Variants in SLC25A21 observed in about 807,000 individuals in gnomAD.
SLC25A21 encodes solute carrier family 25 member 21, also known as mitochondrial 2-oxodicarboxylate carrier.
Under a neutral mutation model 43.8 loss-of-function variants are expected in SLC25A21, and 47 were observed. That is an observed-to-expected ratio of 1.07 (90% CI 0.85 to 1.37). The LOEUF is 1.37. Ranked by LOEUF, SLC25A21 falls within the 40% of genes most tolerant of loss-of-function variation. The pLI is 0.00. For synonymous variants in SLC25A21, 131 were observed against 121.3 expected (o/e 1.08, Z -0.52); for missense variants, 352 against 350.2 (o/e 1.00, Z -0.04).
chr14:37,110,216 T>G lies in SLC25A21; in HGVS notation c.70+62065A>C, dbSNP rs148245369. 2.8e-4 allele frequency among the ~76,000 whole-genome samples: 42 copies of G among 152,312 alleles called. 1 individual carries two copies. In the East Asian group the frequency reaches 8.1e-3, roughly 29 times the overall value. On this transcript the variant is annotated intron_variant, in intron 1 of 9. Transcript: ENST00000331299. ...ATTTCCTCTGAACTTCTACTACTTA[T>G]GTTTTATGTTAAGAGGTTGCATTGG...
Position 36,910,564 on chromosome 14 carries a change from A to G in SLC25A21, c.71-35560T>C, listed in dbSNP as rs73254211. 6.9e-3 allele frequency among the ~76,000 whole-genome samples: 1,046 copies of G among 152,304 alleles called. 20 individuals are homozygous for G. The highest frequency in any genetic ancestry group is 0.023 in the African/African-American group (972 of 41,582). ...TGGTGCTGGGGACAGAGAGAAAGGA[A>G]TTAATCAGAAATATATTTAGAAGTT... On this transcript the variant is annotated intron_variant, in intron 1 of 9. Transcript: ENST00000331299.
chr14:36,841,282 C>A (rs995113092), intron 2 of SLC25A21, among the ~76,000 whole-genome samples: 23 of 152,178 alleles, frequency 1.5e-4, no homozygotes, highest in African/African-American at 5.5e-4. Context: ...TAATTCAGGT[C>A]TCAACACAGT....
rs1286248752 is a variant in SLC25A21 at position 36,734,515 on chromosome 14, C to A, written c.262G>T (p.Ala88Ser). Residue 88 changes from alanine (A) to serine (S), a missense_variant, in exon 4 of 10, where the codon GCA becomes TCA. Coordinates refer to ENST00000331299, the MANE Select transcript of SLC25A21 (RefSeq NM_030631.4). ...ACGCATGCAATGCTTACCTTCACTGCTCTTTTTGGGGTTTCAGCCAAGATA... is the reference window on the plus strand; with the variant it reads ...ACGCATGCAATGCTTACCTTCACTGATCTTTTTGGGGTTTCAGCCAAGATA... The part of the protein sequence containing the change: ...PPILAETPKR[A>S]VKFFTFEQYK... 3 of 1,607,092 alleles carry A rather than the reference C, an allele frequency of 1.9e-6. No individual in the cohort carries two copies. In the Admixed American group the frequency reaches 5.0e-5, roughly 27 times the overall value.
At chr14:36,686,116 A>G (rs1181740849) in intron 7 of SLC25A21, among the ~76,000 whole-genome samples, 1 of 152,208 alleles carries the variant, frequency 6.6e-6, no homozygotes, top group Non-Finnish European at 1.5e-5. Flanking sequence ...CTATGAAAGA[A>G]GAAAACTTCT....
intron 1 of SLC25A21, among the ~76,000 whole-genome samples, chr14:37,037,210 C>A (rs1238881625): frequency 9.9e-5 from 15 of 152,126 alleles, no homozygotes; most frequent in Non-Finnish European, 2.2e-4. Context: ...AGTCATTGTA[C>A]TCTTTAGCCT....
intron 1 of SLC25A21, among the ~76,000 whole-genome samples, chr14:36,897,706 G>A (rs995596591): frequency 6.6e-6 from 1 of 152,066 alleles, no homozygotes; most frequent in African/African-American, 2.4e-5. Context: ...GTACAGATGG[G>A]GTTTTGGTGT....
At chr14:36,728,547 G>C (rs1191486192) in intron 5 of SLC25A21, among the ~76,000 whole-genome samples, 1 of 152,188 alleles carries the variant, frequency 6.6e-6, no homozygotes, top group African/African-American at 2.4e-5. Context: ...ATGTCTCCCA[G>C]CTATCTTGTA....
At chr14:36,893,327 G>T (rs1285660768) in intron 1 of SLC25A21, among the ~76,000 whole-genome samples, 2 of 152,128 alleles carry the variant, frequency 1.3e-5, no homozygotes. Flanking sequence ...TCATGTGTCT[G>T]TTGGCTGCAT....
At chr14:36,737,999 G>A (rs1885111703) in intron 3 of SLC25A21, among the ~76,000 whole-genome samples, 1 of 152,126 alleles carries the variant, frequency 6.6e-6, no homozygotes, top group Non-Finnish European at 1.5e-5. Flanking sequence ...ACTTAAATAA[G>A]TTTGAGTTGC....
chr14:36,730,953 G>C (rs1321163545), intron 4 of SLC25A21, among the ~76,000 whole-genome samples: 2 of 150,458 alleles, frequency 1.3e-5, no homozygotes, highest in East Asian at 3.9e-4. Context: ...ACCATGGAAG[G>C]AAAAGTGTTA....
At chr14:36,708,788 T>C (rs1883696918) in intron 7 of SLC25A21, among the ~76,000 whole-genome samples, 1 of 149,564 alleles carries the variant, frequency 6.7e-6, no homozygotes, top group South Asian at 2.2e-4. Flanking sequence ...TCTCACTATG[T>C]TCCCCAGGCC....
chr14:36,831,961 T>C (rs1416569777), intron 2 of SLC25A21, among the ~76,000 whole-genome samples: 2 of 152,214 alleles, frequency 1.3e-5, no homozygotes, highest in Non-Finnish European at 2.9e-5. Context: ...CTGTTCCAAG[T>C]ATAAAATTTT....
intron 1 of SLC25A21, among the ~76,000 whole-genome samples, chr14:37,015,710 CCTGA>C (rs1407917443): frequency 6.6e-6 from 1 of 151,672 alleles, no homozygotes; most frequent in African/African-American, 2.4e-5. Context: ...CCTGTTGTTT[CCTGA>C]CTTTTTAATG....
intron 1 of SLC25A21, among the ~76,000 whole-genome samples, chr14:37,036,472 G>A (rs1443447435): frequency 6.6e-6 from 1 of 152,166 alleles, no homozygotes; most frequent in Non-Finnish European, 1.5e-5. Context: ...TCCTGGCTGG[G>A]TGCGGTGTTT....
At chr14:36,849,740 T>C (rs754149608) in intron 2 of SLC25A21, among the ~76,000 whole-genome samples, 27 of 152,180 alleles carry the variant, frequency 1.8e-4, no homozygotes, top group Non-Finnish European at 2.5e-4. Flanking sequence ...GAAAATCAGT[T>C]ACCCACTGCT....
At chr14:36,768,170 A>G (rs1354132210) in intron 3 of SLC25A21, among the ~76,000 whole-genome samples, 1 of 152,104 alleles carries the variant, frequency 6.6e-6, no homozygotes, top group Non-Finnish European at 1.5e-5. Context: ...TGGGCTTTAT[A>G]TTGTAAATAG....
At chr14:36,893,881 T>A (rs1237987039) in intron 1 of SLC25A21, among the ~76,000 whole-genome samples, 1 of 152,214 alleles carries the variant, frequency 6.6e-6, no homozygotes, top group African/African-American at 2.4e-5. Context: ...AGGGCTCTGT[T>A]CTGTTCCATT....
chr14:37,148,359 T>C (rs1014875234), intron 1 of SLC25A21, among the ~76,000 whole-genome samples: 3 of 152,208 alleles, frequency 2.0e-5, no homozygotes, highest in Admixed American at 2.0e-4. Context: ...GTATGTCAGA[T>C]TTCTATTATA....
At chr14:37,163,869 C>A (rs2138953159) in intron 1 of SLC25A21, among the ~76,000 whole-genome samples, 1 of 152,262 alleles carries the variant, frequency 6.6e-6, no homozygotes, top group East Asian at 1.9e-4. Context: ...ATTTTTCTGT[C>A]TTCAGAGTAG....
Sources: allele counts gnomAD v4.1 joint callset (sites outside exome capture counted in the v4.1 genomes callset), GRCh38; gene constraint gnomAD v4.1.1; transcripts MANE v1.5; gene names NCBI Gene and HGNC (gene_info 2026-07-23, HGNC 2026-07-21).